The following TENM3 variants were observed in gnomAD, a reference collection of about 807,000 sequenced individuals.
TENM3 encodes the protein teneurin transmembrane protein 3, also known as teneurin-3.
A neutral mutation model predicts 255.1 loss-of-function variants in TENM3; 63 were observed. The observed-to-expected ratio is 0.25, with a 90% CI of 0.20 to 0.30. The LOEUF (loss-of-function observed/expected upper bound fraction) is 0.30, where lower values mean the gene tolerates loss of function less well. Ranked by LOEUF, TENM3 falls within the 10% of genes least tolerant of loss-of-function variation. The pLI, the probability that TENM3 is intolerant of heterozygous loss-of-function variation, is 1.00. For missense variants in TENM3, 2,929 were observed against 3,461.1 expected, an observed-to-expected ratio of 0.85 and a Z score of 3.86; for synonymous variants, 1,306 against 1,322.3, an observed-to-expected ratio of 0.99 and a Z score of 0.27.
rs1183370108 is a variant in TENM3 at position 182,653,817 on chromosome 4, T to C, written c.1035T>C (p.Asn345=). The C allele has an allele frequency of 6.2e-7, 1 of 1,612,992 alleles. No individual in the cohort carries two copies. The highest frequency in any genetic ancestry group is 1.1e-5 in the South Asian group (1 of 90,942). ...GLNWQLQQTE[N]DTFENGKVNS... ...ACTGGCAGCTACAGCAGACTGAAAA[T>C]GACACATTTGAGAATGGAAAAGTGA... is the stretch of plus-strand genomic sequence containing the variant. Residue 345 remains asparagine, a synonymous_variant, in exon 6 of 28, where the codon AAT becomes AAC. Transcript: ENST00000511685.
chr4:181,731,740 A>G, the TENM3 span, among the ~76,000 whole-genome samples: 2 of 152,304 alleles, frequency 1.3e-5, no homozygotes, highest in East Asian at 3.9e-4. Context: ...GACTGATTAA[A>G]AGGAACAACT....
chr4:182,044,583 T>C, the TENM3 span, among the ~76,000 whole-genome samples: 2 of 152,124 alleles, frequency 1.3e-5, no homozygotes, highest in African/African-American at 4.8e-5. Flanking sequence ...TTACGAGAGG[T>C]GGTGAAGAGG....
intron 7 of TENM3, among the ~76,000 whole-genome samples, chr4:182,678,601 C>T (rs1028133777): frequency 6.6e-6 from 1 of 152,188 alleles, no homozygotes; most frequent in African/African-American, 2.4e-5. Context: ...AAGCCAACCC[C>T]ACCATTACCA....
chr4:182,775,756 A>C (rs1764639564), intron 24 of TENM3, among the ~76,000 whole-genome samples: 1 of 152,226 alleles, frequency 6.6e-6, no homozygotes, highest in Non-Finnish European at 1.5e-5. Context: ...CTCTCTCTGC[A>C]TACCAAAGAC....
At chr4:182,298,830 G>A (rs530998547) in intron 1 of TENM3, among the ~76,000 whole-genome samples, 51 of 151,050 alleles carry the variant, frequency 3.4e-4, no homozygotes, top group African/African-American at 1.2e-3. Flanking sequence ...AAAATTAGCC[G>A]GGCGTGATGG....
chr4:182,618,716 G>T (rs981038694), intron 4 of TENM3, among the ~76,000 whole-genome samples: 1 of 151,764 alleles, frequency 6.6e-6, no homozygotes, highest in Non-Finnish European at 1.5e-5. Flanking sequence ...GAGGTGATTC[G>T]GTATACTGTG....
At chr4:181,950,962 A>G in the TENM3 span, among the ~76,000 whole-genome samples, 1 of 152,172 alleles carries the variant, frequency 6.6e-6, no homozygotes, top group East Asian at 1.9e-4. Context: ...GAATTGCTTG[A>G]GCCCAGGAGG....
At chr4:182,709,166 A>G (rs1266154064) in intron 12 of TENM3, among the ~76,000 whole-genome samples, 2 of 151,976 alleles carry the variant, frequency 1.3e-5, no homozygotes, top group African/African-American at 4.8e-5. Flanking sequence ...TATTTTTGGT[A>G]GAGTCGGGGT....
intron 3 of TENM3, among the ~76,000 whole-genome samples, chr4:182,456,457 G>A (rs1339603615): frequency 2.6e-5 from 4 of 152,144 alleles, no homozygotes; most frequent in Non-Finnish European, 5.9e-5. Context: ...GGGTAGCTAA[G>A]TTCCGATAGG....
intron 4 of TENM3, among the ~76,000 whole-genome samples, chr4:182,621,463 G>A (rs939070388): frequency 1.3e-5 from 2 of 149,770 alleles, no homozygotes; most frequent in South Asian, 4.2e-4. Context: ...GTACTTCTGA[G>A]ATTTAAAGTC....
At chr4:182,148,404 C>T (rs928509512) in intron 1 of TENM3, among the ~76,000 whole-genome samples, 1 of 151,982 alleles carries the variant, frequency 6.6e-6, no homozygotes, top group African/African-American at 2.4e-5. Flanking sequence ...CTAATTTGAA[C>T]TTTTTCTAAG....
At chr4:182,337,908 G>A (rs368929946) in intron 2 of TENM3, among the ~76,000 whole-genome samples, 4 of 152,098 alleles carry the variant, frequency 2.6e-5, no homozygotes, top group African/African-American at 9.7e-5. Flanking sequence ...ATTTATATAA[G>A]GTTCAAGAAC....
chr4:181,450,281 A>G, the TENM3 span, among the ~76,000 whole-genome samples: 23 of 152,168 alleles, frequency 1.5e-4, no homozygotes, highest in Non-Finnish European at 7.3e-5. Context: ...TCTATTCTTT[A>G]TGATAACGTT....
At position 182,403,836 on chromosome 4, in the gene TENM3, A is replaced by T. The variant is rs76752832; in HGVS notation, c.511+56907A>T. ...TCCTGGGCTCAGATCCTCCAGCCTC[A>T]GCCTTCTAAGTAGCTGGGACCACAG... On this transcript the variant is annotated intron_variant, in intron 3 of 27. Transcript: ENST00000511685. Among the ~76,000 whole-genome samples the T allele has an allele frequency of 7.3e-3, 1,110 of 152,256 alleles. 14 individuals are homozygous for T. Among genetic ancestry groups the T allele is most frequent in the African/African-American group, 0.025 (1,041 of 41,548 alleles).
At chr4:182,775,781 G>C (rs1237877156) in intron 24 of TENM3, among the ~76,000 whole-genome samples, 1 of 152,116 alleles carries the variant, frequency 6.6e-6, no homozygotes, top group African/African-American at 2.4e-5. Flanking sequence ...CACCTAACTA[G>C]GGTTCAAAAA....
At chr4:182,660,309 G>C (rs1277910222) in intron 6 of TENM3, among the ~76,000 whole-genome samples, 1 of 152,162 alleles carries the variant, frequency 6.6e-6, no homozygotes, top group African/African-American at 2.4e-5. Context: ...ATGATATAAA[G>C]TATACGAAGG....
the TENM3 span, among the ~76,000 whole-genome samples, chr4:182,031,758 G>A: frequency 6.6e-6 from 1 of 152,078 alleles, no homozygotes; most frequent in Non-Finnish European, 1.5e-5. Flanking sequence ...TCCTTGAAGA[G>A]GTCCTTTACC....
At chr4:181,530,122 A>G in the TENM3 span, among the ~76,000 whole-genome samples, 97,345 of 152,100 alleles carry the variant, frequency 0.64, 31,707 homozygotes, top group South Asian at 0.79. Context: ...TTAAAAAGTA[A>G]CATTTTAAGT....
At position 182,679,772 on chromosome 4, in the gene TENM3, A is replaced by C. The variant is rs1450626371; in HGVS notation, c.1433A>C (p.His478Pro). Residue 478 changes from histidine to proline, a missense_variant, in exon 8 of 28, where the codon CAT (histidine) becomes CCT (proline). His to Pro is a moderately conservative substitution (Grantham distance 77, BLOSUM62 -2). This residue lies in a region of TENM3 where 1,608 missense variants were observed against 1,884.4 expected (regional missense o/e 0.85). Coordinates refer to ENST00000511685, the MANE Select transcript of TENM3 (RefSeq NM_001080477.4). ...CGGCAGGCGAGATCCGTCAGCCTTC[A>C]TGAGGCCGGCTTTATCCAGTACTTG... ...AGRQARSVSL[H>P]EAGFIQYLDS... The C allele has an allele frequency of 1.2e-6, 2 of 1,613,960 alleles. No individual in the cohort carries two copies. The highest frequency in any genetic ancestry group is 1.7e-6 in the Non-Finnish European group (2 of 1,179,870).
Sources: allele counts gnomAD v4.1 joint callset (sites outside exome capture counted in the v4.1 genomes callset), GRCh38; gene constraint gnomAD v4.1.1; regional missense constraint gnomAD v4.1.1; transcripts MANE v1.5; gene names NCBI Gene and HGNC (gene_info 2026-07-23, HGNC 2026-07-21).